Variants in AGAP1 observed in about 807,000 individuals in gnomAD.
AGAP1 encodes the protein arf-GAP with GTPase, ANK repeat and PH domain-containing protein 1.
A neutral mutation model predicts 105.3 loss-of-function variants in AGAP1; 29 were observed. That is an observed-to-expected ratio of 0.28 (90% CI 0.21 to 0.38). AGAP1 has a LOEUF of 0.38. AGAP1 is among the 10% of genes least tolerant of loss of function. The probability of loss-of-function intolerance (pLI) is 1.00; values close to 1 mark genes in which losing one functional copy is unlikely to be tolerated. For synonymous variants in AGAP1, 509 were observed against 485.9 expected, an observed-to-expected ratio of 1.05 and a Z score of -0.63; for missense variants, 998 against 1,165.1, an observed-to-expected ratio of 0.86 and a Z score of 2.09.
At chr2:235,533,125 C>T (rs942149757) in intron 1 of AGAP1, among the ~76,000 whole-genome samples, 2 of 152,122 alleles carry the variant, frequency 1.3e-5, no homozygotes, top group Non-Finnish European at 2.9e-5. Flanking sequence ...TTAGGAGCAT[C>T]GCGGATGTGG....
chr2:235,512,521 G>A (rs943914432), intron 1 of AGAP1, among the ~76,000 whole-genome samples: 5 of 152,204 alleles, frequency 3.3e-5, no homozygotes. Flanking sequence ...TTGAGCCTAG[G>A]AGGTTGAGGC....
rs546460018 is a variant in AGAP1, at chr2:236,062,577, G to A, written c.2114+13296G>A. Among the ~76,000 whole-genome samples the A allele has an allele frequency of 6.6e-6, 1 of 152,118 alleles. No homozygotes were observed. Among genetic ancestry groups the A allele is most frequent in the Non-Finnish European group, 1.5e-5 (1 of 68,026 alleles). ...TGCAACCCCAGACTCCCAGGCTCAA[G>A]CAATCCTACCTAGTCAGCCTCCCAA... On this transcript the variant is annotated intron_variant, in intron 16 of 17. Transcript: ENST00000304032. The surrounding 1 kb of genome is among the most constrained non-coding windows in gnomAD (Gnocchi z 4.2).
At chr2:235,974,104 C>T (rs1472366322) in intron 13 of AGAP1, among the ~76,000 whole-genome samples, 1 of 152,158 alleles carries the variant, frequency 6.6e-6, no homozygotes. Flanking sequence ...TGCAAGTTTG[C>T]ATTAAGTGCT....
intron 4 of AGAP1, among the ~76,000 whole-genome samples, chr2:235,743,658 A>T (rs779984540): frequency 1.3e-5 from 2 of 152,174 alleles, no homozygotes; most frequent in Admixed American, 6.5e-5. Flanking sequence ...CTTTTCACTT[A>T]CATGCAGAAG....
At chr2:235,509,420 A>G (rs966179638) in intron 1 of AGAP1, among the ~76,000 whole-genome samples, 3 of 151,816 alleles carry the variant, frequency 2.0e-5, no homozygotes, top group Admixed American at 1.3e-4. Flanking sequence ...TTTTTAGTAG[A>G]GACGGTTTCA....
chr2:236,015,515 T>C (rs1212125658), intron 13 of AGAP1, among the ~76,000 whole-genome samples: 5 of 152,170 alleles, frequency 3.3e-5, no homozygotes, highest in Admixed American at 2.0e-4. Context: ...GCAGATTGAA[T>C]TTTTCCCCCA....
chr2:235,502,630 T>C (rs1293924212), intron 1 of AGAP1, among the ~76,000 whole-genome samples: 1 of 152,222 alleles, frequency 6.6e-6, no homozygotes, highest in Admixed American at 6.5e-5. Flanking sequence ...CACAAGCAAC[T>C]GTCTAATCTT....
At chr2:235,968,440 G>A in intron 12 of AGAP1, 22 bp from the exon 13 acceptor site, 1 of 1,168,342 alleles carries the variant, frequency 8.6e-7, no homozygotes, top group South Asian at 2.5e-5. Flanking sequence ...TTTTTTTTTT[G>A]CCTTTTCCGG....
intron 15 of AGAP1, among the ~76,000 whole-genome samples, chr2:236,041,817 C>T (rs374562027): frequency 8.5e-5 from 13 of 152,276 alleles, no homozygotes; most frequent in East Asian, 5.8e-4. Flanking sequence ...TGGAGCTAAG[C>T]GCTGGGGAGA....
intron 13 of AGAP1, among the ~76,000 whole-genome samples, chr2:236,034,797 T>A (rs1366100397): frequency 6.6e-6 from 1 of 152,156 alleles, no homozygotes; most frequent in Non-Finnish European, 1.5e-5. Context: ...GCCCCCAGAA[T>A]ATGCCCAGGG....
At chr2:235,924,473 C>T (rs534341252) in intron 11 of AGAP1, among the ~76,000 whole-genome samples, 2 of 152,294 alleles carry the variant, frequency 1.3e-5, no homozygotes, top group South Asian at 2.1e-4. Flanking sequence ...CAGTTCCATG[C>T]GGCTGCTCGG....
Position 235,553,779 on chromosome 2 carries a change from A to G in AGAP1, c.163+58930A>G, listed in dbSNP as rs541884570. On this transcript the variant is annotated intron_variant, in intron 1 of 17. Coordinates refer to ENST00000304032, the MANE Select transcript of AGAP1 (RefSeq NM_001037131.3). The surrounding 1 kb of genome is among the most constrained non-coding windows in gnomAD (Gnocchi z 4.5). ...CAGGGCACCTCTGAGCACATGTGAC[A>G]TTCGTAAGTGGCACTCCTCATGCTG... 6.6e-6 allele frequency among the ~76,000 whole-genome samples: 1 copy of G among 152,262 alleles called. No individual in the cohort carries two copies. Among genetic ancestry groups the G allele is most frequent in the Admixed American group, 6.5e-5 (1 of 15,304 alleles).
rs559462760 is a variant in AGAP1, at chr2:235,788,074, C to T, written c.674-9685C>T. Among the ~76,000 whole-genome samples, 1 of 152,304 alleles carries T rather than the reference C, an allele frequency of 6.6e-6. No homozygotes were observed. The highest frequency in any genetic ancestry group is 2.1e-4 in the South Asian group (1 of 4,824). On this transcript the variant is annotated intron_variant, in intron 6 of 17. Coordinates refer to ENST00000304032, the MANE Select transcript of AGAP1 (RefSeq NM_001037131.3). The surrounding 1 kb of genome is among the most constrained non-coding windows in gnomAD (Gnocchi z 6.0). ...GCTGCAGCCTCTGAGTCATGCATGC[C>T]TCATGGGGTCATCCTGACTTAACCT... is the stretch of plus-strand genomic sequence containing the variant.
chr2:235,764,618 G>A (rs928228639), intron 6 of AGAP1, among the ~76,000 whole-genome samples: 2 of 152,174 alleles, frequency 1.3e-5, no homozygotes, highest in South Asian at 2.1e-4. Flanking sequence ...GAGTCGGCTC[G>A]GCTGCCTGCA....
Position 235,883,204 on chromosome 2 carries a change from G to A in AGAP1, c.1051-141G>A. 1 of 652,904 alleles carries A rather than the reference G, an allele frequency of 1.5e-6. No homozygotes were observed. Among genetic ancestry groups the A allele is most frequent in the Non-Finnish European group, 2.7e-6 (1 of 371,922 alleles). 40.4% of individuals were successfully genotyped at this position (652,904 alleles called of 1,614,324 possible). A position where few individuals can be genotyped will look rare whatever the true frequency, so the allele number is the denominator to read the frequency against. ...TTGTGTCGTATTTGTTGAACTAATG[G>A]CATATCTTTTAGCATTCGCCAGTAT... On this transcript the variant is annotated intron_variant, in intron 9 of 17. Transcript: ENST00000304032. The surrounding 1 kb of genome is among the most constrained non-coding windows in gnomAD (Gnocchi z 4.5).
At chr2:236,006,272 AGGT>A in intron 13 of AGAP1, among the ~76,000 whole-genome samples, 1 of 152,032 alleles carries the variant, frequency 6.6e-6, no homozygotes, top group Non-Finnish European at 1.5e-5. Flanking sequence ...TGTCAGTACA[AGGT>A]GCATTTTGTA....
chr2:235,898,663 T>G (rs887512306), intron 10 of AGAP1, among the ~76,000 whole-genome samples: 1 of 152,166 alleles, frequency 6.6e-6, no homozygotes, highest in Non-Finnish European at 1.5e-5. Context: ...AGAGCTAACA[T>G]TTATGGAGGG....
rs538982219 is a variant in AGAP1 at position 236,080,238 on chromosome 2, G to C, written c.2114+30957G>C. ...TCTTGGAAAGATAGTTGGGAAAAAAGGCAGGCAGAGCCTCTGCTGGAAAGA... is the reference window on the plus strand; with the variant it reads ...TCTTGGAAAGATAGTTGGGAAAAAACGCAGGCAGAGCCTCTGCTGGAAAGA... On this transcript the variant is annotated intron_variant, in intron 16 of 17. Transcript: ENST00000304032. The surrounding 1 kb of genome is among the most constrained non-coding windows in gnomAD (Gnocchi z 4.2). Among the ~76,000 whole-genome samples, 3 of 152,188 alleles carry C rather than the reference G, an allele frequency of 2.0e-5. No homozygotes were observed. Among genetic ancestry groups the C allele is most frequent in the Admixed American group, 6.5e-5 (1 of 15,278 alleles).
At position 235,732,274 on chromosome 2, in the gene AGAP1, C is replaced by T. The variant is rs923393407; in HGVS notation, c.311-8689C>T. 6.6e-6 allele frequency among the ~76,000 whole-genome samples: 1 copy of T among 152,166 alleles called. No homozygotes were observed. The highest frequency in any genetic ancestry group is 1.5e-5 in the Non-Finnish European group (1 of 68,032). ...TACTTTACCTCTGTCTTTTTAATCT[C>T]ATTGACTGTGTCTGTTTCAAGCCAT... On this transcript the variant is annotated intron_variant, in intron 3 of 17. Transcript: ENST00000304032. The surrounding 1 kb of genome is among the most constrained non-coding windows in gnomAD (Gnocchi z 4.8).
Sources: gnomAD v4.1 joint callset for allele counts (sites outside exome capture counted in the v4.1 genomes callset) on GRCh38, gnomAD v4.1.1 for gene constraint, Gnocchi (gnomAD v3.1) non-coding constraint, MANE v1.5 for transcripts, NCBI Gene and HGNC (gene_info 2026-07-23, HGNC 2026-07-21) for gene names.